The following BMP5 variants were observed in gnomAD, a reference collection of about 807,000 sequenced individuals.
BMP5 encodes the protein bone morphogenetic protein 5.
A neutral mutation model predicts 46.6 loss-of-function variants in BMP5; 23 were observed. The ratio of observed to expected loss-of-function variants is 0.49; its 90% CI spans 0.35 to 0.70. BMP5 has a LOEUF of 0.70. Ranked by LOEUF, BMP5 falls within the 30% of genes least tolerant of loss-of-function variation. The pLI is 0.00. For missense variants in BMP5, 545 were observed against 565.6 expected, an observed-to-expected ratio of 0.96 and a Z score of 0.37; for synonymous variants, 204 against 191.9, an observed-to-expected ratio of 1.06 and a Z score of -0.52.
chr6:55,802,557 G>A (rs1775874553), intron 2 of BMP5, among the ~76,000 whole-genome samples: 1 of 151,992 alleles, frequency 6.6e-6, no homozygotes. Context: ...ATAAGGAAAA[G>A]TGACCAGCCA....
intron 2 of BMP5, among the ~76,000 whole-genome samples, chr6:55,812,016 C>A (rs1449352496): frequency 6.6e-6 from 1 of 152,116 alleles, no homozygotes; most frequent in Non-Finnish European, 1.5e-5. Context: ...TCTGTGCTTG[C>A]CACATGGTAG....
chr6:55,811,638 C>CCT (rs1036741811), intron 2 of BMP5, among the ~76,000 whole-genome samples: 18 of 150,906 alleles, frequency 1.2e-4, no homozygotes, highest in African/African-American at 3.9e-4. Context: ...ACACCTCTGC[C>CCT]CTCTCTCTCT....
At chr6:55,835,805 C>T (rs1776780238) in intron 1 of BMP5, among the ~76,000 whole-genome samples, 1 of 152,018 alleles carries the variant, frequency 6.6e-6, no homozygotes, top group East Asian at 1.9e-4. Flanking sequence ...TGGCAAGAGA[C>T]TAAGAAAACA....
At chr6:55,847,478 G>A (rs1429977859) in intron 1 of BMP5, among the ~76,000 whole-genome samples, 1 of 151,856 alleles carries the variant, frequency 6.6e-6, no homozygotes, top group Non-Finnish European at 1.5e-5. Context: ...GAATGCAACG[G>A]CCTTAAAGGT....
chr6:55,859,206 A>C (rs1777474275), intron 1 of BMP5, among the ~76,000 whole-genome samples: 1 of 152,192 alleles, frequency 6.6e-6, no homozygotes, highest in South Asian at 2.1e-4. Context: ...GGTTAGTTTC[A>C]ATTATCAGTG....
At chr6:55,853,157 TAAAATAAAATAAAATAAAATAAA>T (rs1777291065) in intron 1 of BMP5, among the ~76,000 whole-genome samples, 1 of 27,752 alleles carries the variant, frequency 3.6e-5, no homozygotes, top group Non-Finnish European at 6.7e-5. Flanking sequence ...TAAAATAAAA[TAAAATAAAATAAAATAAAATAAA>T]ATAAAATAAA....
intron 4 of BMP5, among the ~76,000 whole-genome samples, chr6:55,766,800 C>T (rs915954658): frequency 2.6e-5 from 4 of 151,932 alleles, no homozygotes; most frequent in African/African-American, 9.7e-5. Context: ...TACATGCATA[C>T]CCCAGCCATT....
chr6:55,776,878 A>T (rs1775186218), intron 3 of BMP5, among the ~76,000 whole-genome samples: 2 of 152,092 alleles, frequency 1.3e-5, no homozygotes, highest in South Asian at 4.1e-4. Flanking sequence ...GTGGAGAAAT[A>T]ATACGGATCT....
intron 1 of BMP5, among the ~76,000 whole-genome samples, chr6:55,856,479 T>C (rs990199366): frequency 1.3e-5 from 2 of 152,222 alleles, no homozygotes; most frequent in Non-Finnish European, 2.9e-5. Context: ...TGTATTATTT[T>C]GCATACCTAC....
At chr6:55,780,862 T>C (rs1775300044) in intron 3 of BMP5, among the ~76,000 whole-genome samples, 1 of 152,046 alleles carries the variant, frequency 6.6e-6, no homozygotes, top group Non-Finnish European at 1.5e-5. Context: ...TTGTGGAAGC[T>C]GTCCAGAATG....
Position 55,849,404 on chromosome 6 carries a change from C to T in BMP5, c.490+24972G>A, listed in dbSNP as rs151046177. ...AAGTGAATAGAGAGTAATATGAATG[C>T]TATTTTACATAAGATGATTGAGGAA... is the stretch of plus-strand genomic sequence containing the variant. On this transcript the variant is annotated intron_variant, in intron 1 of 6. Coordinates refer to ENST00000370830, the MANE Select transcript of BMP5 (RefSeq NM_021073.4). Among the ~76,000 whole-genome samples, 299 of 152,072 alleles carry T rather than the reference C, an allele frequency of 2.0e-3. 1 individual carries two copies. The highest frequency in any genetic ancestry group is 3.2e-3 in the Non-Finnish European group (220 of 67,936).
chr6:55,835,937 T>C (rs1776783297), intron 1 of BMP5, among the ~76,000 whole-genome samples: 1 of 152,200 alleles, frequency 6.6e-6, no homozygotes, highest in Non-Finnish European at 1.5e-5. Flanking sequence ...ACAATAGGGA[T>C]GTAATCTATA....
chr6:55,840,084 G>GT (rs1214435750), intron 1 of BMP5, among the ~76,000 whole-genome samples: 2 of 152,078 alleles, frequency 1.3e-5, no homozygotes, highest in Non-Finnish European at 2.9e-5. Flanking sequence ...ATGTTTTACA[G>GT]TTTTTAATAT....
intron 1 of BMP5, among the ~76,000 whole-genome samples, chr6:55,821,980 C>A (rs1776420182): frequency 6.6e-6 from 1 of 152,156 alleles, no homozygotes; most frequent in Non-Finnish European, 1.5e-5. Context: ...ATCTAAATAG[C>A]ATTTATATGC....
At chr6:55,816,120 C>G (rs541306936) in intron 2 of BMP5, among the ~76,000 whole-genome samples, 1 of 151,802 alleles carries the variant, frequency 6.6e-6, no homozygotes, top group Non-Finnish European at 1.5e-5. Flanking sequence ...TATAAATAAC[C>G]AACTATAAAC....
At chr6:55,831,747 T>C (rs1172501897) in intron 1 of BMP5, among the ~76,000 whole-genome samples, 1 of 152,118 alleles carries the variant, frequency 6.6e-6, no homozygotes, top group Non-Finnish European at 1.5e-5. Flanking sequence ...AATTCACTTA[T>C]CTGAAGTACA....
At chr6:55,801,958 G>T (rs1336369253) in intron 2 of BMP5, among the ~76,000 whole-genome samples, 1 of 152,190 alleles carries the variant, frequency 6.6e-6, no homozygotes, top group Non-Finnish European at 1.5e-5. Context: ...TATGCCACAA[G>T]TTGGGTACCA....
At chr6:55,858,162 T>C (rs1214721250) in intron 1 of BMP5, among the ~76,000 whole-genome samples, 1 of 152,250 alleles carries the variant, frequency 6.6e-6, no homozygotes, top group African/African-American at 2.4e-5. Flanking sequence ...TCAAGTTATT[T>C]AGACCAAATC....
chr6:55,844,330 G>A (rs536084399), intron 1 of BMP5, among the ~76,000 whole-genome samples: 2 of 152,068 alleles, frequency 1.3e-5, no homozygotes, highest in East Asian at 1.9e-4. Context: ...AACATTGGCA[G>A]ATTCTCTTTC....
Sources: allele counts gnomAD v4.1 joint callset (sites outside exome capture counted in the v4.1 genomes callset), GRCh38; gene constraint gnomAD v4.1.1; transcripts MANE v1.5; gene names NCBI Gene and HGNC (gene_info 2026-07-23, HGNC 2026-07-21).